Variants in CAMKK2 observed in about 807,000 individuals in gnomAD.
CAMKK2 encodes the protein calcium/calmodulin-dependent protein kinase kinase 2.
CAMKK2 carries 30 observed loss-of-function variants against 67.2 expected under a neutral mutation model. The ratio of observed to expected loss-of-function variants is 0.45; its 90% CI spans 0.33 to 0.61. The LOEUF (loss-of-function observed/expected upper bound fraction) is 0.61. Ranked by LOEUF, CAMKK2 falls within the 20% of genes least tolerant of loss-of-function variation. CAMKK2 has a pLI of 0.02. For missense variants in CAMKK2, 643 were observed against 802.0 expected (o/e 0.80, Z 2.39); for synonymous variants, 322 against 326.2 (o/e 0.99, Z 0.14).
At chr12:121,262,215 TA>T (rs1893591606) in intron 6 of CAMKK2, among the ~76,000 whole-genome samples, 1 of 152,130 alleles carries the variant, frequency 6.6e-6, no homozygotes, top group Non-Finnish European at 1.5e-5. Flanking sequence ...TTATTTTTCA[TA>T]AAAATGTATT....
chr12:121,270,954 T>C lies in CAMKK2; in HGVS notation c.472-9A>G, dbSNP rs768537270. On this transcript the variant is annotated splice_polypyrimidine_tract_variant and intron_variant, in intron 2 of 16. Transcript: ENST00000404169. ...TTCAGCTGCACACAGTCCTAGAGAG[T>C]AAGGAGAGACACGTGCAAAATGAAT... is the stretch of plus-strand genomic sequence containing the variant. The C allele has an allele frequency of 1.2e-6, 2 of 1,611,442 alleles. No individual in the cohort carries two copies. The highest frequency in any genetic ancestry group is 1.7e-6 in the Non-Finnish European group (2 of 1,178,338).
At position 121,274,596 on chromosome 12, in the gene CAMKK2, A is replaced by T. The variant is rs1230138873; in HGVS notation, c.-59-11T>A. On this transcript the variant is annotated splice_polypyrimidine_tract_variant and intron_variant, in intron 1 of 16. Transcript: ENST00000404169. ...CGGCAGCGGAGCCACCTGCAGAAAG[A>T]GAAAGGGTCAGCTGGCCCAGCTCCT... 2 of 1,104,222 alleles carry T rather than the reference A, an allele frequency of 1.8e-6. No individual in the cohort carries two copies. Among genetic ancestry groups the T allele is most frequent in the African/African-American group, 3.1e-5 (2 of 64,002 alleles). The allele number at this position is 1,104,222 out of a possible 1,614,324, so 68.4% of individuals were successfully genotyped here.
intron 2 of CAMKK2, among the ~76,000 whole-genome samples, chr12:121,271,225 G>A (rs1013703913): frequency 1.3e-5 from 2 of 148,408 alleles, no homozygotes; most frequent in East Asian, 3.9e-4. Context: ...CTTGAGCGGA[G>A]ATTGCACCAT....
chr12:121,251,876 T>C (rs1390617839), intron 11 of CAMKK2, among the ~76,000 whole-genome samples: 1 of 139,880 alleles, frequency 7.1e-6, no homozygotes, highest in South Asian at 2.4e-4. Flanking sequence ...ATATCAATAA[T>C]AACAAAATAA....
Position 121,240,650 on chromosome 12 carries a change from C to T in CAMKK2, c.*49G>A, listed in dbSNP as rs1440148305. Reference sequence around the variant, plus strand: ...CTGCTATGGAAACGCGGTGCAGCAGCCCCCCAGAGGCGACGCGGCGCGCAT... The same window carrying T: ...CTGCTATGGAAACGCGGTGCAGCAGTCCCCCAGAGGCGACGCGGCGCGCAT... On this transcript the variant is annotated 3_prime_UTR_variant, in exon 17 of 17. Transcript: ENST00000404169. This position sits in a 1 kb window ranked among gnomAD's most constrained non-coding sequence, Gnocchi z 4.4. 1.9e-6 allele frequency: 3 copies of T among 1,545,382 alleles called. No individual in the cohort carries two copies. Among genetic ancestry groups the T allele is most frequent in the South Asian group, 1.2e-5 (1 of 84,920 alleles).
At chr12:121,270,350 A>AT (rs1478108950) in intron 3 of CAMKK2, among the ~76,000 whole-genome samples, 1 of 150,934 alleles carries the variant, frequency 6.6e-6, no homozygotes, top group African/African-American at 2.5e-5. Flanking sequence ...AGCCTTGGTG[A>AT]TAGAGCAACA....
At position 121,266,952 on chromosome 12, in the gene CAMKK2, G is replaced by C. The variant is rs977224095; in HGVS notation, c.625+1686C>G. ...GCAACTAAAAGTGCTAAAAGCCAAG[G>C]CTGCCTATAGGAGAAGGAAAGAGGT... On this transcript the variant is annotated intron_variant, in intron 5 of 16. Transcript: ENST00000404169. 3.3e-4 allele frequency among the ~76,000 whole-genome samples: 49 copies of C among 148,224 alleles called. No individual in the cohort carries two copies. The Middle Eastern group carries it at 0.014, about 44-fold the overall frequency.
At chr12:121,282,812 T>C (rs1898045166) in intron 1 of CAMKK2, among the ~76,000 whole-genome samples, 2 of 152,068 alleles carry the variant, frequency 1.3e-5, no homozygotes, top group East Asian at 3.9e-4. Flanking sequence ...TGGAGTGCAA[T>C]GGCGCAATTT....
chr12:121,257,178 GC>G (rs1892471397), intron 7 of CAMKK2, among the ~76,000 whole-genome samples: 1 of 152,104 alleles, frequency 6.6e-6, no homozygotes, highest in South Asian at 2.1e-4. Flanking sequence ...TGCACTGCAT[GC>G]CGGTATTAAA....
chr12:121,248,066 A>G (rs976686233), intron 14 of CAMKK2, among the ~76,000 whole-genome samples: 1 of 152,202 alleles, frequency 6.6e-6, no homozygotes, highest in Non-Finnish European at 1.5e-5. Flanking sequence ...AGGACTCTAC[A>G]TTCTGGCTCC....
chr12:121,271,011 G>A, intron 2 of CAMKK2, 66 bp from the exon 3 acceptor site: 3 of 1,316,850 alleles, frequency 2.3e-6, no homozygotes, highest in Non-Finnish European at 3.3e-6. Context: ...CAGGCACGGT[G>A]GCTCACACCT....
At chr12:121,271,978 G>A (rs1037947413) in intron 2 of CAMKK2, among the ~76,000 whole-genome samples, 29 of 152,086 alleles carry the variant, frequency 1.9e-4, no homozygotes, top group Non-Finnish European at 5.9e-5. Context: ...CCAAAATGCT[G>A]GGATTACAGG....
Position 121,244,628 on chromosome 12 carries a change from G to A in CAMKK2, c.1554-13C>T, listed in dbSNP as rs1000434121. ...GGTTGGTTTTTTGCTGGAATCACCA[G>A]AGGGAGGGAAAAGGGAAGTGAGAAG... On this transcript the variant is annotated splice_polypyrimidine_tract_variant and intron_variant, in intron 15 of 16. Transcript: ENST00000404169. 1 of 1,559,464 alleles carries A rather than the reference G, an allele frequency of 6.4e-7. No individual in the cohort carries two copies. The highest frequency in any genetic ancestry group is 1.4e-5 in the African/African-American group (1 of 73,720).
At chr12:121,269,637 G>A in intron 3 of CAMKK2, 56 bp from the exon 4 acceptor site, 1 of 1,390,562 alleles carries the variant, frequency 7.2e-7, no homozygotes. Flanking sequence ...TCTGCAAAAT[G>A]AGAACCCTAA....
intron 11 of CAMKK2, among the ~76,000 whole-genome samples, chr12:121,251,404 G>T (rs903202654): frequency 6.6e-6 from 1 of 152,080 alleles, no homozygotes; most frequent in Non-Finnish European, 1.5e-5. Flanking sequence ...AGAGGCAATC[G>T]GTATAAACTC....
chr12:121,267,196 G>A (rs1488754941), intron 5 of CAMKK2, among the ~76,000 whole-genome samples: 9 of 122,832 alleles, frequency 7.3e-5, no homozygotes, highest in Non-Finnish European at 1.3e-4. Flanking sequence ...TCCAACCTCC[G>A]CCTCCTGGGT....
At chr12:121,276,287 G>A (rs2136466827) in intron 1 of CAMKK2, among the ~76,000 whole-genome samples, 2 of 151,752 alleles carry the variant, frequency 1.3e-5, no homozygotes, top group East Asian at 3.9e-4. Flanking sequence ...GGCCAACCTG[G>A]TGAAACCCCA....
At chr12:121,242,504 C>A (rs1888571193) in intron 16 of CAMKK2, among the ~76,000 whole-genome samples, 1 of 152,232 alleles carries the variant, frequency 6.6e-6, no homozygotes, top group South Asian at 2.1e-4. Flanking sequence ...TCCACTCCAT[C>A]ATCCGTGAGG....
intron 15 of CAMKK2, 140 bp from the exon 16 acceptor site, chr12:121,244,755 AT>A: frequency 3.0e-6 from 2 of 670,268 alleles, no homozygotes; most frequent in African/African-American, 1.8e-5. Flanking sequence ...TTGACAGCAG[AT>A]GAGTGGACAC....
Sources: gnomAD v4.1 joint callset for allele counts (sites outside exome capture counted in the v4.1 genomes callset) on GRCh38, gnomAD v4.1.1 for gene constraint, Gnocchi (gnomAD v3.1) non-coding constraint, MANE v1.5 for transcripts, NCBI Gene and HGNC (gene_info 2026-07-23, HGNC 2026-07-21) for gene names.